LTBP1: variants seen among roughly 807,000 people sequenced by gnomAD.
LTBP1 encodes latent-transforming growth factor beta-binding protein 1.
Under a neutral mutation model 207.6 loss-of-function variants are expected in LTBP1, and 129 were observed. That is an observed-to-expected ratio of 0.62 (90% confidence interval 0.54 to 0.72). The LOEUF (loss-of-function observed/expected upper bound fraction) is 0.72. Among genes scored for constraint, LTBP1 ranks in the 30% least tolerant of loss-of-function variants. The pLI is 0.00. For synonymous variants in LTBP1, 963 were observed against 833.7 expected (o/e 1.16, Z -2.67); for missense variants, 2,281 against 2,217.2 (o/e 1.03, Z -0.58).
chr2:32,963,398 G>T (rs539359990), intron 2 of LTBP1, among the ~76,000 whole-genome samples: 41 of 151,446 alleles, frequency 2.7e-4, no homozygotes, highest in African/African-American at 9.9e-4. Context: ...TTTTGTAGAG[G>T]TGAGGTCTCG....
rs190774760 is a variant in LTBP1, at chr2:33,385,357, T to C, written c.4712-3827T>C. ...CCTGTTGATCACTGCTTTTACGTTT[T>C]GTTAACATTAAAATGTAAATCACTC... On this transcript the variant is annotated intron_variant, in intron 31 of 33. Transcript: ENST00000404816. 7.2e-5 allele frequency among the ~76,000 whole-genome samples: 11 copies of C among 152,356 alleles called. No homozygotes were observed. In the East Asian group the frequency reaches 1.9e-3, roughly 27 times the overall value.
intron 13 of LTBP1, among the ~76,000 whole-genome samples, chr2:33,261,088 A>G (rs2147977620): frequency 6.6e-6 from 1 of 152,350 alleles, no homozygotes; most frequent in African/African-American, 2.4e-5. Context: ...GTCATGAAAG[A>G]CTTGGTCAGA....
At position 33,296,361 on chromosome 2, in the gene LTBP1, C is replaced by T. The variant is rs561349338; in HGVS notation, c.3235+3079C>T. Reference sequence around the variant, plus strand: ...CTATCCAAATCAATGTCACAACTGCCCTGTGAAGATTCTTCACAGGGCAGT... The same window carrying T: ...CTATCCAAATCAATGTCACAACTGCTCTGTGAAGATTCTTCACAGGGCAGT... On this transcript the variant is annotated intron_variant, in intron 20 of 33. Coordinates refer to ENST00000404816, the MANE Select transcript of LTBP1 (RefSeq NM_206943.4). Among the ~76,000 whole-genome samples the T allele has an allele frequency of 3.1e-4, 47 of 152,056 alleles. 1 individual carries two copies. The highest frequency in any genetic ancestry group is 1.1e-3 in the African/African-American group (46 of 41,484).
rs374756728 is a variant in LTBP1 at position 33,283,619 on chromosome 2, G to A, written c.3112+3461G>A. On this transcript the variant is annotated intron_variant, in intron 19 of 33. Coordinates refer to ENST00000404816, the MANE Select transcript of LTBP1 (RefSeq NM_206943.4). The stretch of plus-strand genomic sequence containing the variant: ...GCCTGGCTAATTTTTTGTATTTTTA[G>A]TAGAGACGGGGTTTCACCATGTTAG... 2.9e-3 allele frequency among the ~76,000 whole-genome samples: 441 copies of A among 151,952 alleles called. 3 individuals carry two copies. Among genetic ancestry groups the A allele is most frequent in the African/African-American group, 6.9e-3 (288 of 41,454 alleles).
At position 33,304,468 on chromosome 2, in the gene LTBP1, C is replaced by G. The variant is rs143668824; in HGVS notation, c.3481+2824C>G. On this transcript the variant is annotated intron_variant, in intron 22 of 33. Coordinates refer to ENST00000404816, the MANE Select transcript of LTBP1 (RefSeq NM_206943.4). ...ATGGTTCTGGCAAAGACCTTGTTTT[C>G]TTATTGTCCTGTCATCCTGCTGGCC... Among the ~76,000 whole-genome samples, 85 of 152,220 alleles carry G rather than the reference C, an allele frequency of 5.6e-4. 1 individual carries two copies. In the East Asian group the frequency reaches 0.016, roughly 29 times the overall value.
intron 31 of LTBP1, among the ~76,000 whole-genome samples, chr2:33,366,444 C>G (rs1480751298): frequency 6.6e-6 from 1 of 152,162 alleles, no homozygotes; most frequent in Non-Finnish European, 1.5e-5. Flanking sequence ...AGCTTTGCAG[C>G]TTAGAAATAA....
intron 4 of LTBP1, among the ~76,000 whole-genome samples, chr2:33,116,520 G>A (rs1378154408): frequency 6.6e-6 from 1 of 152,150 alleles, no homozygotes; most frequent in East Asian, 1.9e-4. Flanking sequence ...GAGAAAGAGA[G>A]AGAGAAATGA....
Position 33,135,503 on chromosome 2 carries a change from A to G in LTBP1, c.1201+543A>G, listed in dbSNP as rs544523179. ...GTTTCTGCTCCGTCTCACAAGACTG[A>G]ATATAAATTGATATATAACGTGGAT... is the stretch of plus-strand genomic sequence containing the variant. On this transcript the variant is annotated intron_variant, in intron 5 of 33. Transcript: ENST00000404816. 3.9e-5 allele frequency among the ~76,000 whole-genome samples: 6 copies of G among 152,364 alleles called. No homozygotes were observed. The South Asian group carries it at 1.2e-3, about 32-fold the overall frequency.
At chr2:33,370,851 G>A (rs981277249) in intron 31 of LTBP1, among the ~76,000 whole-genome samples, 1 of 152,126 alleles carries the variant, frequency 6.6e-6, no homozygotes, top group African/African-American at 2.4e-5. Flanking sequence ...GGAATAAATC[G>A]CACCACTTGT....
At chr2:33,132,231 A>T (rs1335786611) in intron 4 of LTBP1, among the ~76,000 whole-genome samples, 1 of 152,242 alleles carries the variant, frequency 6.6e-6, no homozygotes, top group Admixed American at 6.5e-5. Context: ...TTTTCCGACA[A>T]CTTAGATTAT....
chr2:33,188,845 G>A lies in LTBP1; in HGVS notation c.1695G>A (p.Gly565=). The A allele has an allele frequency of 1.2e-6, 2 of 1,614,008 alleles. No individual in the cohort carries two copies. Among genetic ancestry groups the A allele is most frequent in the South Asian group, 1.1e-5 (1 of 91,064 alleles). The change falls in exon 7 of 34, where the codon GGG becomes GGA. Residue 565 remains glycine, a synonymous_variant. Transcript: ENST00000404816. ...QLGRCFQETI[G]SQCGKALPGL... is the part of the protein sequence containing the mutation. ...GCCGGTGCTTCCAGGAAACCATTGG[G>A]TCACAGGTAAACATCATCACCGAGC...
rs76633963 is a variant in LTBP1, at chr2:33,191,489, C to T, written c.1701+2638C>T. On this transcript the variant is annotated intron_variant, in intron 7 of 33. Transcript: ENST00000404816. Reference sequence around the variant, plus strand: ...GCATTCTCAGCATATATTTATTGGTCTTCCTGTTCATGAGGAATGTTGCTG... The same window carrying T: ...GCATTCTCAGCATATATTTATTGGTTTTCCTGTTCATGAGGAATGTTGCTG... 8.8e-3 allele frequency among the ~76,000 whole-genome samples: 1,339 copies of T among 152,280 alleles called. 21 individuals are homozygous for T. Among genetic ancestry groups the T allele is most frequent in the Middle Eastern group, 0.037 (11 of 294 alleles).
chr2:33,339,490 C>T (rs1023386233), intron 24 of LTBP1, among the ~76,000 whole-genome samples: 6 of 152,178 alleles, frequency 3.9e-5, no homozygotes, highest in South Asian at 2.1e-4. Context: ...GATTTGGTGA[C>T]GCGATGCAGT....
chr2:33,128,501 G>C (rs1288462995), intron 4 of LTBP1, among the ~76,000 whole-genome samples: 4 of 152,348 alleles, frequency 2.6e-5, no homozygotes, highest in African/African-American at 7.2e-5. Context: ...ACATGGCCAT[G>C]GTGTGGAATT....
intron 22 of LTBP1, among the ~76,000 whole-genome samples, chr2:33,309,228 A>G (rs1199806676): frequency 6.6e-6 from 1 of 151,202 alleles, no homozygotes; most frequent in African/African-American, 2.4e-5. Context: ...GGTTGCAGTG[A>G]GCCAAGATAG....
intron 11 of LTBP1, among the ~76,000 whole-genome samples, chr2:33,256,768 A>G (rs1464530862): frequency 3.6e-5 from 2 of 55,268 alleles, no homozygotes; most frequent in Non-Finnish European, 7.4e-5. Flanking sequence ...ATATATATAT[A>G]TATATATATA....
chr2:33,136,533 A>T (rs2082158224), intron 5 of LTBP1, among the ~76,000 whole-genome samples: 1 of 152,024 alleles, frequency 6.6e-6, no homozygotes, highest in Non-Finnish European at 1.5e-5. Context: ...CAAGGAGGGG[A>T]AAAGAAAAGG....
intron 9 of LTBP1, among the ~76,000 whole-genome samples, chr2:33,240,703 T>C (rs1185553960): frequency 1.4e-5 from 2 of 139,092 alleles, no homozygotes; most frequent in Non-Finnish European, 3.0e-5. Context: ...CAGGCTGGAG[T>C]GCAGTGGCGC....
intron 5 of LTBP1, among the ~76,000 whole-genome samples, chr2:33,148,550 C>T (rs941801441): frequency 6.6e-6 from 1 of 152,198 alleles, no homozygotes; most frequent in South Asian, 2.1e-4. Flanking sequence ...ATCAAAACCT[C>T]ATTACATTTC....
Sources: gnomAD v4.1 joint callset for allele counts (sites outside exome capture counted in the v4.1 genomes callset) on GRCh38, gnomAD v4.1.1 for gene constraint, MANE v1.5 for transcripts, NCBI Gene and HGNC (gene_info 2026-07-23, HGNC 2026-07-21) for gene names.